The following ROBO1 variants were observed in gnomAD, a reference collection of about 807,000 sequenced individuals.
ROBO1 encodes the protein roundabout homolog 1.
ROBO1 carries 149 observed loss-of-function variants against 195.9 expected under a neutral mutation model. That is an observed-to-expected ratio of 0.76 (90% CI 0.67 to 0.87). The LOEUF is 0.87. ROBO1 is among the 40% of genes least tolerant of loss of function. The probability of loss-of-function intolerance (pLI) is 0.00; values close to 1 mark genes in which losing one functional copy is unlikely to be tolerated. For missense variants in ROBO1, 1,933 were observed against 2,068.3 expected (o/e 0.93, Z 1.27); for synonymous variants, 816 against 733.2 (o/e 1.11, Z -1.82).
At chr3:78,609,011 G>A (rs1703630838) in intron 28 of ROBO1, among the ~76,000 whole-genome samples, 1 of 152,128 alleles carries the variant, frequency 6.6e-6, no homozygotes, top group Non-Finnish European at 1.5e-5. Flanking sequence ...TGACTTTCAG[G>A]AGAGATCAAA....
chr3:79,423,375 C>T (rs2038311429), intron 2 of ROBO1, among the ~76,000 whole-genome samples: 1 of 152,134 alleles, frequency 6.6e-6, no homozygotes. Context: ...TCTTCACTTT[C>T]ACTTCAAACT....
At chr3:79,262,422 C>T (rs969671844) in intron 2 of ROBO1, among the ~76,000 whole-genome samples, 7 of 152,018 alleles carry the variant, frequency 4.6e-5, no homozygotes, top group African/African-American at 1.7e-4. Flanking sequence ...CATTTAGAGA[C>T]TGAAATTGCT....
At chr3:79,091,372 T>C (rs1182695430) in intron 3 of ROBO1, among the ~76,000 whole-genome samples, 1 of 152,022 alleles carries the variant, frequency 6.6e-6, no homozygotes, top group Non-Finnish European at 1.5e-5. Flanking sequence ...AAAGTAAATA[T>C]ATGGAGAAAA....
chr3:79,596,263 G>A (rs1456257019), intron 1 of ROBO1, among the ~76,000 whole-genome samples: 2 of 152,044 alleles, frequency 1.3e-5, no homozygotes, highest in Admixed American at 1.3e-4. Context: ...CCAGACAGGG[G>A]AAAGTCAAAT....
intron 22 of ROBO1, among the ~76,000 whole-genome samples, chr3:78,637,643 C>T (rs1010523832): frequency 2.6e-5 from 4 of 152,144 alleles, no homozygotes; most frequent in African/African-American, 4.8e-5. Context: ...AAATGGGTAT[C>T]GCCATTTTTT....
intron 1 of ROBO1, among the ~76,000 whole-genome samples, chr3:79,737,185 C>T (rs1033948667): frequency 2.0e-5 from 3 of 152,076 alleles, no homozygotes; most frequent in African/African-American, 7.2e-5. Flanking sequence ...ATATGAGGCA[C>T]TTAGGGTACT....
intron 3 of ROBO1, among the ~76,000 whole-genome samples, chr3:78,944,454 T>G (rs897512006): frequency 9.2e-5 from 14 of 152,230 alleles, no homozygotes; most frequent in African/African-American, 2.9e-4. Flanking sequence ...CAGCCATGCC[T>G]GCACCCTGAT....
chr3:79,615,540 C>A (rs553279826), intron 1 of ROBO1, among the ~76,000 whole-genome samples: 2 of 151,998 alleles, frequency 1.3e-5, no homozygotes, highest in Non-Finnish European at 2.9e-5. Context: ...GAGATCTGTC[C>A]GAAATAATTT....
chr3:79,518,126 T>A (rs1021629301), intron 2 of ROBO1, among the ~76,000 whole-genome samples: 4 of 152,196 alleles, frequency 2.6e-5, no homozygotes, highest in Admixed American at 6.5e-5. Context: ...AGATTTCATA[T>A]AAGGTTCTAC....
chr3:79,302,941 G>A (rs1343094133), intron 2 of ROBO1, among the ~76,000 whole-genome samples: 1 of 151,972 alleles, frequency 6.6e-6, no homozygotes, highest in African/African-American at 2.4e-5. Context: ...TGTGTCACCC[G>A]TATTTACAAA....
At chr3:79,054,798 C>G (rs1415426306) in intron 3 of ROBO1, among the ~76,000 whole-genome samples, 1 of 152,082 alleles carries the variant, frequency 6.6e-6, no homozygotes, top group African/African-American at 2.4e-5. Flanking sequence ...TGCCACAGAA[C>G]CAGGGAAATG....
In ROBO1 at chr3:79,303,159, G is replaced by GTTTTT. The variant is rs368110549; in HGVS notation, c.89-177621_89-177620insAAAAA. On this transcript the variant is annotated intron_variant, in intron 2 of 30. Coordinates refer to ENST00000464233, the MANE Select transcript of ROBO1 (RefSeq NM_002941.4). ...ATTAATATATGAATTATCTCACATA[G>GTTTTT]GTTTTTTTTTTTTTTTTTTTTTTTG... 1.9e-4 allele frequency among the ~76,000 whole-genome samples: 14 copies of GTTTTT among 72,068 alleles called. 3 individuals are homozygous for GTTTTT. The highest frequency in any genetic ancestry group is 7.6e-4 in the Admixed American group (4 of 5,278). 47.3% of individuals were successfully genotyped at this position (72,068 alleles called of 152,430 possible).
At chr3:79,421,982 T>C (rs1470136190) in intron 2 of ROBO1, among the ~76,000 whole-genome samples, 1 of 151,588 alleles carries the variant, frequency 6.6e-6, no homozygotes, top group Non-Finnish European at 1.5e-5. Context: ...CATTTTTATA[T>C]CCACTCTGCA....
chr3:79,192,429 A>C (rs1163582929), intron 2 of ROBO1, among the ~76,000 whole-genome samples: 2 of 151,756 alleles, frequency 1.3e-5, no homozygotes, highest in African/African-American at 2.4e-5. Context: ...GTAATAAGTC[A>C]TACAAGGGGA....
At chr3:79,018,466 C>T (rs760209194) in intron 3 of ROBO1, 4 of 1,613,846 alleles carry the variant, frequency 2.5e-6, no homozygotes, top group Non-Finnish European at 3.4e-6. Flanking sequence ...AATCATTGTC[C>T]TCGGGTGGAT....
At chr3:79,348,321 G>A (rs1432444748) in intron 2 of ROBO1, among the ~76,000 whole-genome samples, 1 of 152,000 alleles carries the variant, frequency 6.6e-6, no homozygotes, top group Non-Finnish European at 1.5e-5. Flanking sequence ...ACACACATAG[G>A]TAACACAAGT....
chr3:79,116,479 TTTCTCTCC>T (rs1481442785), intron 3 of ROBO1, among the ~76,000 whole-genome samples: 1 of 150,206 alleles, frequency 6.7e-6, no homozygotes, highest in Non-Finnish European at 1.5e-5. Flanking sequence ...TCTTTCTCTC[TTTCTCTCC>T]TTCTCTCTCT....
intron 3 of ROBO1, among the ~76,000 whole-genome samples, chr3:79,071,814 T>TA (rs1161714166): frequency 1.3e-5 from 2 of 151,514 alleles, no homozygotes; most frequent in Non-Finnish European, 2.9e-5. Flanking sequence ...TACGGCAGAG[T>TA]ATTTTTTTTT....
chr3:79,105,495 T>A (rs1396128586), intron 3 of ROBO1, among the ~76,000 whole-genome samples: 1 of 151,674 alleles, frequency 6.6e-6, no homozygotes, highest in Admixed American at 6.6e-5. Flanking sequence ...CAGCTAGCAA[T>A]TTGGTAAGTT....
Sources: gnomAD v4.1 joint callset for allele counts (sites outside exome capture counted in the v4.1 genomes callset) on GRCh38, gnomAD v4.1.1 for gene constraint, MANE v1.5 for transcripts, NCBI Gene and HGNC (gene_info 2026-07-23, HGNC 2026-07-21) for gene names.